The following ERC2 variants were observed in gnomAD, a reference collection of about 807,000 sequenced individuals.
ERC2 encodes the protein ERC protein 2.
A neutral mutation model predicts 114.8 loss-of-function variants in ERC2; 42 were observed. The observed-to-expected ratio is 0.37, with a 90% CI of 0.29 to 0.47. The LOEUF (loss-of-function observed/expected upper bound fraction) is 0.47, where lower values mean the gene tolerates loss of function less well. ERC2 is among the 20% of genes least tolerant of loss of function. The probability of loss-of-function intolerance (pLI) is 0.99; values close to 1 mark genes in which losing one functional copy is unlikely to be tolerated. For synonymous variants in ERC2, 454 were observed against 425.5 expected (o/e 1.07, Z -0.82); for missense variants, 939 against 1,150.7 (o/e 0.82, Z 2.66).
chr3:55,953,884 A>G (rs1010631438), intron 12 of ERC2, among the ~76,000 whole-genome samples: 36 of 152,256 alleles, frequency 2.4e-4, no homozygotes, highest in African/African-American at 7.7e-4. Context: ...TACCTGCAGA[A>G]GTACACCCAC....
At chr3:55,759,352 C>T (rs756019646) in intron 14 of ERC2, among the ~76,000 whole-genome samples, 8 of 151,584 alleles carry the variant, frequency 5.3e-5, no homozygotes, top group Non-Finnish European at 1.0e-4. Flanking sequence ...ACTTAAATCA[C>T]TCGGGTTTCA....
At chr3:55,849,642 C>G (rs181490121) in intron 14 of ERC2, among the ~76,000 whole-genome samples, 1 of 152,226 alleles carries the variant, frequency 6.6e-6, no homozygotes, top group Non-Finnish European at 1.5e-5. Flanking sequence ...CCATGCCCCT[C>G]TTCAATTTTT....
intron 6 of ERC2, among the ~76,000 whole-genome samples, chr3:56,095,216 T>A (rs1397594620): frequency 1.3e-5 from 2 of 152,042 alleles, no homozygotes; most frequent in African/African-American, 2.4e-5. Flanking sequence ...TGCAACAGAG[T>A]AGGACATGGG....
chr3:55,523,140 G>A (rs1283403029), intron 17 of ERC2, among the ~76,000 whole-genome samples: 1 of 152,194 alleles, frequency 6.6e-6, no homozygotes, highest in Non-Finnish European at 1.5e-5. Flanking sequence ...GTCACCTGAG[G>A]CATAATGCCA....
intron 13 of ERC2, among the ~76,000 whole-genome samples, chr3:55,901,020 C>T (rs146276602): frequency 3.9e-4 from 59 of 152,220 alleles, no homozygotes; most frequent in African/African-American, 1.3e-3. Context: ...TTAGAGGGGA[C>T]TCTACTGAGA....
chr3:56,042,492 C>T (rs545860764), intron 7 of ERC2, among the ~76,000 whole-genome samples: 51 of 152,230 alleles, frequency 3.4e-4, no homozygotes, highest in African/African-American at 1.1e-3. Context: ...GGCTCATATA[C>T]CTCCTACCAA....
chr3:56,371,169 T>C (rs779585346), intron 2 of ERC2, among the ~76,000 whole-genome samples: 16 of 152,122 alleles, frequency 1.1e-4, no homozygotes, highest in East Asian at 3.9e-4. Context: ...AAAGACCAAA[T>C]AGGCAAAAGA....
chr3:55,954,005 A>T (rs573351719), intron 12 of ERC2, among the ~76,000 whole-genome samples: 2 of 145,068 alleles, frequency 1.4e-5, no homozygotes, highest in African/African-American at 5.1e-5. Flanking sequence ...ATCCTGCCCC[A>T]GAACCAAGTA....
chr3:56,328,026 G>T (rs1371173563), intron 2 of ERC2, among the ~76,000 whole-genome samples: 1 of 152,194 alleles, frequency 6.6e-6, no homozygotes, highest in African/African-American at 2.4e-5. Flanking sequence ...CAAGGCATTT[G>T]TAACTCAGTG....
intron 3 of ERC2, among the ~76,000 whole-genome samples, chr3:56,253,447 T>C (rs187790216): frequency 1.2e-3 from 189 of 152,366 alleles, no homozygotes; most frequent in African/African-American, 4.4e-3. Context: ...CAAAATGTTT[T>C]CTCTACTAAA....
intron 13 of ERC2, among the ~76,000 whole-genome samples, chr3:55,906,698 T>C (rs1017789760): frequency 2.0e-5 from 3 of 152,196 alleles, no homozygotes; most frequent in Non-Finnish European, 4.4e-5. Flanking sequence ...ACACAGATGT[T>C]GTAGGCCTGC....
chr3:56,334,561 T>C (rs372962553), intron 2 of ERC2, among the ~76,000 whole-genome samples: 8 of 152,168 alleles, frequency 5.3e-5, no homozygotes, highest in African/African-American at 1.9e-4. Flanking sequence ...TATAAACATA[T>C]AATATTAAAT....
chr3:56,199,131 A>G (rs2048271633), intron 3 of ERC2, among the ~76,000 whole-genome samples: 1 of 152,190 alleles, frequency 6.6e-6, no homozygotes, highest in Non-Finnish European at 1.5e-5. Context: ...GCTGAAAACA[A>G]GGAAGCAAAT....
chr3:55,675,359 C>T (rs1201319033), intron 17 of ERC2, among the ~76,000 whole-genome samples: 2 of 152,154 alleles, frequency 1.3e-5, no homozygotes, highest in African/African-American at 4.8e-5. Context: ...CTGCAGAGAT[C>T]ATGTGACTCT....
At chr3:55,529,169 T>A (rs1462726480) in intron 17 of ERC2, among the ~76,000 whole-genome samples, 1 of 152,212 alleles carries the variant, frequency 6.6e-6, no homozygotes, top group African/African-American at 2.4e-5. Flanking sequence ...CAAGTCTACC[T>A]TTGGATTCTT....
At chr3:56,306,921 CAT>C (rs2056262109) in intron 2 of ERC2, among the ~76,000 whole-genome samples, 1 of 152,196 alleles carries the variant, frequency 6.6e-6, no homozygotes, top group African/African-American at 2.4e-5. Context: ...ACACACAAAT[CAT>C]AACTTCAGTG....
chr3:56,348,138 A>C (rs2058378092), intron 2 of ERC2, among the ~76,000 whole-genome samples: 1 of 152,144 alleles, frequency 6.6e-6, no homozygotes, highest in South Asian at 2.1e-4. Flanking sequence ...TTCTACCCTT[A>C]GCTTCTCCTT....
chr3:55,605,016 A>G (rs1393136936), intron 17 of ERC2, among the ~76,000 whole-genome samples: 1 of 152,200 alleles, frequency 6.6e-6, no homozygotes, highest in Non-Finnish European at 1.5e-5. Context: ...TGATGCGAGG[A>G]TGCCAGTGGC....
chr3:55,688,234 T>C (rs2148792397), intron 16 of ERC2, among the ~76,000 whole-genome samples: 1 of 152,300 alleles, frequency 6.6e-6, no homozygotes, highest in South Asian at 2.1e-4. Context: ...AAAGAGCCAG[T>C]ATGTATTTGC....
Sources: gnomAD v4.1 joint callset for allele counts (sites outside exome capture counted in the v4.1 genomes callset) on GRCh38, gnomAD v4.1.1 for gene constraint, MANE v1.5 for transcripts, NCBI Gene and HGNC (gene_info 2026-07-23, HGNC 2026-07-21) for gene names.